Variants in KCND2 observed in about 807,000 individuals in gnomAD.
KCND2 encodes the protein A-type voltage-gated potassium channel KCND2.
A neutral mutation model predicts 54.4 loss-of-function variants in KCND2; 16 were observed. The observed-to-expected ratio is 0.29, with a 90% CI of 0.20 to 0.45. The LOEUF (loss-of-function observed/expected upper bound fraction) is 0.45. Among genes scored for constraint, KCND2 ranks in the 20% least tolerant of loss-of-function variants. KCND2 has a pLI of 1.00. For missense variants in KCND2, 486 were observed against 824.2 expected (o/e 0.59, Z 5.02); for synonymous variants, 317 against 310.7 (o/e 1.02, Z -0.21).
chr7:120,653,922 C>T (rs893145627), intron 1 of KCND2, among the ~76,000 whole-genome samples: 1 of 152,144 alleles, frequency 6.6e-6, no homozygotes, highest in Non-Finnish European at 1.5e-5. Flanking sequence ...AGAAAGTTAA[C>T]AAGCAGCAGG....
chr7:120,470,272 T>G (rs910133428), intron 1 of KCND2, among the ~76,000 whole-genome samples: 2 of 152,088 alleles, frequency 1.3e-5, no homozygotes, highest in Non-Finnish European at 2.9e-5. Flanking sequence ...AGAGAGAAAA[T>G]TTAGTTCTAA....
intron 1 of KCND2, among the ~76,000 whole-genome samples, chr7:120,582,188 C>T (rs1246527756): frequency 6.6e-6 from 1 of 152,054 alleles, no homozygotes; most frequent in Non-Finnish European, 1.5e-5. Context: ...AGCCCCAGTT[C>T]CACAGCAGTG....
chr7:120,605,382 TATAAC>T (rs1444726575), intron 1 of KCND2, among the ~76,000 whole-genome samples: 1 of 152,222 alleles, frequency 6.6e-6, no homozygotes, highest in African/African-American at 2.4e-5. Flanking sequence ...TTATCCATGT[TATAAC>T]ATATATGAGT....
At chr7:120,689,687 T>C (rs1027940356) in intron 1 of KCND2, among the ~76,000 whole-genome samples, 4 of 152,248 alleles carry the variant, frequency 2.6e-5, no homozygotes, top group East Asian at 3.8e-4. Flanking sequence ...GCTTGAACAT[T>C]GTGCTTCTTT....
intron 1 of KCND2, among the ~76,000 whole-genome samples, chr7:120,376,536 GA>G (rs1475220986): frequency 1.3e-5 from 2 of 150,194 alleles, no homozygotes; most frequent in Non-Finnish European, 3.0e-5. Context: ...TCTATAAAGT[GA>G]AAATAAATAT....
At chr7:120,595,638 C>T (rs1250743288) in intron 1 of KCND2, among the ~76,000 whole-genome samples, 2 of 135,058 alleles carry the variant, frequency 1.5e-5, no homozygotes, top group Non-Finnish European at 3.1e-5. Context: ...AAGAAATTAC[C>T]GTGTCATTGC....
intron 1 of KCND2, among the ~76,000 whole-genome samples, chr7:120,327,754 CT>C (rs368965454): frequency 3.5e-4 from 50 of 143,758 alleles, no homozygotes; most frequent in South Asian, 1.1e-3. Flanking sequence ...CAGAAGTTGC[CT>C]TTTTTTTTTT....
intron 1 of KCND2, among the ~76,000 whole-genome samples, chr7:120,360,415 G>T (rs1800576800): frequency 6.6e-6 from 1 of 151,850 alleles, no homozygotes; most frequent in Non-Finnish European, 1.5e-5. Context: ...TCATCTTGTT[G>T]CATATGCCAT....
At chr7:120,314,891 T>C (rs1799790514) in intron 1 of KCND2, among the ~76,000 whole-genome samples, 1 of 152,164 alleles carries the variant, frequency 6.6e-6, no homozygotes, top group South Asian at 2.1e-4. Flanking sequence ...TGTTATACCT[T>C]GCAAGCTTAA....
chr7:120,434,102 A>G (rs1801831852), intron 1 of KCND2, among the ~76,000 whole-genome samples: 1 of 152,144 alleles, frequency 6.6e-6, no homozygotes, highest in Non-Finnish European at 1.5e-5. Context: ...GACCTCAATG[A>G]GCCAAATCCA....
intron 1 of KCND2, among the ~76,000 whole-genome samples, chr7:120,675,402 T>C (rs1044192513): frequency 4.1e-5 from 6 of 147,696 alleles, no homozygotes; most frequent in East Asian, 3.9e-4. Context: ...TTTTTTCTCT[T>C]TTTTTTTTTT....
chr7:120,435,718 A>G (rs1801855462), intron 1 of KCND2, among the ~76,000 whole-genome samples: 1 of 150,032 alleles, frequency 6.7e-6, no homozygotes, highest in Non-Finnish European at 1.5e-5. Context: ...ATCTTCTGGC[A>G]TGTCTAACCA....
At chr7:120,314,357 T>C (rs921554517) in intron 1 of KCND2, among the ~76,000 whole-genome samples, 1 of 152,052 alleles carries the variant, frequency 6.6e-6, no homozygotes, top group African/African-American at 2.4e-5. Context: ...ATGCATTTTT[T>C]TGGTTAGATT....
At chr7:120,541,910 T>C (rs1445943611) in intron 1 of KCND2, among the ~76,000 whole-genome samples, 1 of 152,196 alleles carries the variant, frequency 6.6e-6, no homozygotes, top group Non-Finnish European at 1.5e-5. Context: ...CTATTCAGCA[T>C]CTTTCTTTAT....
At chr7:120,580,275 T>C (rs1027368587) in intron 1 of KCND2, among the ~76,000 whole-genome samples, 1 of 152,228 alleles carries the variant, frequency 6.6e-6, no homozygotes. Flanking sequence ...GTTATCCAAC[T>C]AAGCTATTAA....
At chr7:120,712,129 G>C (rs1792546055) in intron 1 of KCND2, among the ~76,000 whole-genome samples, 1 of 115,556 alleles carries the variant, frequency 8.7e-6, no homozygotes, top group Non-Finnish European at 1.7e-5. Flanking sequence ...AAATAAGAAA[G>C]CTTTTTTTTT....
chr7:120,726,672 T>C (rs372226442), intron 1 of KCND2, among the ~76,000 whole-genome samples: 25 of 152,246 alleles, frequency 1.6e-4, no homozygotes, highest in African/African-American at 5.8e-4. Flanking sequence ...AAAGGATACC[T>C]GCTTTTCAAA....
chr7:120,710,693 T>A (rs374241383), intron 1 of KCND2, among the ~76,000 whole-genome samples: 61 of 152,204 alleles, frequency 4.0e-4, no homozygotes, highest in African/African-American at 1.4e-3. Flanking sequence ...GTACTTAGAT[T>A]GTATAAAAAA....
intron 1 of KCND2, among the ~76,000 whole-genome samples, chr7:120,461,557 T>C (rs1802284020): frequency 6.6e-6 from 1 of 152,150 alleles, no homozygotes; most frequent in South Asian, 2.1e-4. Flanking sequence ...TTTTTCACCA[T>C]GTGTATGATT....
Sources: gnomAD v4.1 joint callset for allele counts (sites outside exome capture counted in the v4.1 genomes callset) on GRCh38, gnomAD v4.1.1 for gene constraint, MANE v1.5 for transcripts, NCBI Gene and HGNC (gene_info 2026-07-23, HGNC 2026-07-21) for gene names.